PAPPA: variants seen among roughly 807,000 people sequenced by gnomAD.
PAPPA encodes the protein pappalysin-1.
Under a neutral mutation model 164.0 loss-of-function variants are expected in PAPPA, and 60 were observed. The observed-to-expected ratio is 0.37, with a 90% confidence interval of 0.30 to 0.45. The LOEUF (loss-of-function observed/expected upper bound fraction) is 0.45, where lower values mean the gene tolerates loss of function less well. Ranked by LOEUF, PAPPA falls within the 20% of genes least tolerant of loss-of-function variation. The pLI is 1.00. For synonymous variants in PAPPA, 875 were observed against 814.1 expected, an observed-to-expected ratio of 1.07 and a Z score of -1.27; for missense variants, 1,782 against 2,087.3, an observed-to-expected ratio of 0.85 and a Z score of 2.85.
At chr9:116,261,981 G>C (rs913100899) in intron 7 of PAPPA, among the ~76,000 whole-genome samples, 2 of 152,132 alleles carry the variant, frequency 1.3e-5, no homozygotes, top group African/African-American at 4.8e-5. Flanking sequence ...GGGAGGCCGA[G>C]TGAGGAGGCT....
At chr9:116,376,193 G>T (rs1846651097) in intron 19 of PAPPA, among the ~76,000 whole-genome samples, 1 of 151,934 alleles carries the variant, frequency 6.6e-6, no homozygotes, top group Admixed American at 6.6e-5. Context: ...GCTAATTTTT[G>T]TATTTTTAGT....
intron 1 of PAPPA, among the ~76,000 whole-genome samples, chr9:116,182,719 T>C (rs1417456713): frequency 2.6e-5 from 4 of 152,012 alleles, no homozygotes; most frequent in Non-Finnish European, 4.4e-5. Flanking sequence ...AAAGAGGCAA[T>C]GAAAAAAATA....
intron 10 of PAPPA, among the ~76,000 whole-genome samples, chr9:116,306,889 T>G (rs1845653497): frequency 6.6e-6 from 1 of 152,230 alleles, no homozygotes; most frequent in Non-Finnish European, 1.5e-5. Flanking sequence ...ATGGAAATAC[T>G]AAGACTATCT....
intron 3 of PAPPA, among the ~76,000 whole-genome samples, chr9:116,210,568 A>T (rs1844294205): frequency 1.3e-5 from 2 of 152,328 alleles, no homozygotes; most frequent in African/African-American, 4.8e-5. Context: ...TTTAAAGTTT[A>T]ATTATCTCTC....
rs1453975198 is a variant in PAPPA at position 116,240,822 on chromosome 9, G to A, written c.2732+5185G>A. ...GCTCTTGATCATTCATTCTCTGATT[G>A]AACAAGTATGTTTGTTTATGCCTCT... is the stretch of plus-strand genomic sequence containing the variant. On this transcript the variant is annotated intron_variant, in intron 7 of 21. Coordinates refer to ENST00000328252, the MANE Select transcript of PAPPA (RefSeq NM_002581.5). 1.3e-5 allele frequency among the ~76,000 whole-genome samples: 2 copies of A among 152,172 alleles called. 1 individual carries two copies. The highest frequency in any genetic ancestry group is 2.9e-5 in the Non-Finnish European group (2 of 68,020).
In PAPPA at chr9:116,385,271, AAATAAATAAAT is replaced by A. The variant is rs1564251562; in HGVS notation, c.4776+2784_4776+2794del. 2.6e-4 allele frequency among the ~76,000 whole-genome samples: 25 copies of A among 94,506 alleles called. No homozygotes were observed. In the South Asian group the frequency reaches 9.7e-3, roughly 37 times the overall value. The allele number at this position is 94,506 out of a possible 152,430, so 62.0% of individuals were successfully genotyped here. On this transcript the variant is annotated intron_variant, in intron 21 of 21. Coordinates refer to ENST00000328252, the MANE Select transcript of PAPPA (RefSeq NM_002581.5). Reference sequence around the variant, plus strand: ...TAAATAAATAAATAAATAAATAAATAAATAAATAAATAATAATTTGGAATCCACACCTGAAC... The same window carrying A: ...TAAATAAATAAATAAATAAATAAATAAATAATTTGGAATCCACACCTGAAC...
In PAPPA at chr9:116,180,041, G is replaced by A. The variant is rs143544252; in HGVS notation, c.416-7113G>A. Among the ~76,000 whole-genome samples the A allele has an allele frequency of 1.6e-4, 24 of 152,094 alleles. No individual in the cohort carries two copies. In the East Asian group the frequency reaches 4.7e-3, roughly 30 times the overall value. On this transcript the variant is annotated intron_variant, in intron 1 of 21. Transcript: ENST00000328252. ...CTAGTGGGCATCCTTTAATTGAAGG[G>A]TCTGAAACTGCCTTTTACCCTGCCC...
intron 10 of PAPPA, among the ~76,000 whole-genome samples, chr9:116,320,050 C>G (rs986674677): frequency 1.3e-5 from 2 of 152,182 alleles, no homozygotes; most frequent in Non-Finnish European, 2.9e-5. Flanking sequence ...TGAGTAGTCT[C>G]TAAGAATCAA....
chr9:116,351,039 T>C (rs1232759679), intron 15 of PAPPA, among the ~76,000 whole-genome samples: 1 of 152,146 alleles, frequency 6.6e-6, no homozygotes, highest in Non-Finnish European at 1.5e-5. Context: ...GTACATAAAA[T>C]TGCAAAGTAC....
chr9:116,181,598 A>G (rs1319633541), intron 1 of PAPPA, among the ~76,000 whole-genome samples: 1 of 152,212 alleles, frequency 6.6e-6, no homozygotes, highest in Non-Finnish European at 1.5e-5. Flanking sequence ...GTGGAACACA[A>G]TTTCATCCAC....
At chr9:116,179,085 C>T (rs1397794502) in intron 1 of PAPPA, among the ~76,000 whole-genome samples, 1 of 152,176 alleles carries the variant, frequency 6.6e-6, no homozygotes, top group Non-Finnish European at 1.5e-5. Flanking sequence ...AATATGCATA[C>T]ATTTATCTCT....
At chr9:116,208,147 A>G (rs1401394062) in intron 3 of PAPPA, among the ~76,000 whole-genome samples, 1 of 152,182 alleles carries the variant, frequency 6.6e-6, no homozygotes, top group African/African-American at 2.4e-5. Flanking sequence ...CATATCCATA[A>G]ACAAGACATA....
chr9:116,333,871 A>G (rs1339337887), intron 12 of PAPPA, among the ~76,000 whole-genome samples: 1 of 151,940 alleles, frequency 6.6e-6, no homozygotes, highest in Non-Finnish European at 1.5e-5. Context: ...CACCCCCACC[A>G]TCACCATCTT....
chr9:116,233,273 G>C (rs1418084456), intron 6 of PAPPA, among the ~76,000 whole-genome samples: 1 of 152,232 alleles, frequency 6.6e-6, no homozygotes, highest in Non-Finnish European at 1.5e-5. Flanking sequence ...ATGACAATCA[G>C]ATGAGTTAAC....
At chr9:116,231,747 T>G in intron 6 of PAPPA, among the ~76,000 whole-genome samples, 2 of 90,548 alleles carry the variant, frequency 2.2e-5, no homozygotes, top group Non-Finnish European at 4.4e-5. Context: ...AACAGTGGTT[T>G]TTCTTTTCTT....
intron 1 of PAPPA, among the ~76,000 whole-genome samples, chr9:116,165,878 A>G (rs944097437): frequency 6.6e-5 from 10 of 152,172 alleles, no homozygotes; most frequent in Non-Finnish European, 1.2e-4. Context: ...TGTTCCCACT[A>G]TGCTTTCTGC....
intron 4 of PAPPA, among the ~76,000 whole-genome samples, chr9:116,212,347 T>C (rs1844318589): frequency 6.6e-6 from 1 of 152,182 alleles, no homozygotes; most frequent in Admixed American, 6.5e-5. Context: ...ATATATCTTA[T>C]CATAGTACTT....
intron 7 of PAPPA, among the ~76,000 whole-genome samples, chr9:116,239,627 C>T (rs1003017558): frequency 6.6e-6 from 1 of 152,150 alleles, no homozygotes; most frequent in Admixed American, 6.5e-5. Flanking sequence ...AAGTGCCTTA[C>T]AAACACTTCT....
At chr9:116,313,168 C>T (rs941127689) in intron 10 of PAPPA, among the ~76,000 whole-genome samples, 4 of 151,920 alleles carry the variant, frequency 2.6e-5, no homozygotes, top group African/African-American at 9.7e-5. Flanking sequence ...ACCAGAGCAC[C>T]CTGGGTACAT....
Sources: gnomAD v4.1 joint callset for allele counts (sites outside exome capture counted in the v4.1 genomes callset) on GRCh38, gnomAD v4.1.1 for gene constraint, MANE v1.5 for transcripts, NCBI Gene and HGNC (gene_info 2026-07-23, HGNC 2026-07-21) for gene names.